IGSF11: variants seen among roughly 807,000 people sequenced by gnomAD.
IGSF11 encodes CXADR like 1.
A neutral mutation model predicts 41.0 loss-of-function variants in IGSF11; 22 were observed. The observed-to-expected ratio is 0.54, with a 90% CI of 0.38 to 0.77. The LOEUF is 0.77. IGSF11 is among the 30% of genes least tolerant of loss of function. The probability of loss-of-function intolerance (pLI) is 0.00; values close to 1 mark genes in which losing one functional copy is unlikely to be tolerated. For synonymous variants in IGSF11, 219 were observed against 201.3 expected, an observed-to-expected ratio of 1.09 and a Z score of -0.74; for missense variants, 444 against 530.8, an observed-to-expected ratio of 0.84 and a Z score of 1.61.
chr3:119,111,874 T>C (rs553689816), intron 1 of IGSF11, among the ~76,000 whole-genome samples: 8 of 152,344 alleles, frequency 5.3e-5, no homozygotes, highest in African/African-American at 1.9e-4. Context: ...CCTGTTTGCC[T>C]GGGTATCAGC....
intron 1 of IGSF11, among the ~76,000 whole-genome samples, chr3:118,961,564 A>G (rs11928039): frequency 0.026 from 3,931 of 152,324 alleles, 139 homozygotes; most frequent in African/African-American, 0.089. Context: ...AATTGCATAG[A>G]AAAATAAACT....
chr3:119,135,844 A>G (rs1224332145), intron 1 of IGSF11, among the ~76,000 whole-genome samples: 1 of 152,254 alleles, frequency 6.6e-6, no homozygotes, highest in Admixed American at 6.5e-5. Context: ...CTAGATTAAG[A>G]AAATGTGGCA....
At chr3:119,051,397 A>G (rs1389211348) in intron 1 of IGSF11, among the ~76,000 whole-genome samples, 1 of 152,106 alleles carries the variant, frequency 6.6e-6, no homozygotes, top group Non-Finnish European at 1.5e-5. Context: ...ATTATATAAT[A>G]ATAAAAAGAT....
At chr3:119,095,554 T>C (rs1266044370) in intron 1 of IGSF11, among the ~76,000 whole-genome samples, 1 of 152,172 alleles carries the variant, frequency 6.6e-6, no homozygotes, top group Non-Finnish European at 1.5e-5. Flanking sequence ...CCTATTACTG[T>C]TCATGGATCC....
intron 1 of IGSF11, among the ~76,000 whole-genome samples, chr3:119,059,215 A>ACACCT (rs1941971951): frequency 6.7e-6 from 1 of 148,668 alleles, no homozygotes; most frequent in Admixed American, 6.7e-5. Flanking sequence ...ACACCACACC[A>ACACCT]TGGAAACTAC....
chr3:118,917,731 G>A (rs1354553640), intron 4 of IGSF11, among the ~76,000 whole-genome samples: 1 of 148,526 alleles, frequency 6.7e-6, no homozygotes, highest in African/African-American at 2.5e-5. Context: ...AATAGAAAAA[G>A]AGGGAATCCT....
At chr3:119,090,248 T>A (rs549717686) in intron 1 of IGSF11, among the ~76,000 whole-genome samples, 2 of 152,212 alleles carry the variant, frequency 1.3e-5, no homozygotes, top group African/African-American at 4.8e-5. Flanking sequence ...TACAAATAAA[T>A]GGAAAAACAT....
chr3:119,043,563 A>C (rs924894951), intron 1 of IGSF11, among the ~76,000 whole-genome samples: 5 of 152,190 alleles, frequency 3.3e-5, no homozygotes, highest in Admixed American at 2.6e-4. Context: ...GAGTCCATCC[A>C]CATGACAATT....
At chr3:119,117,791 T>C (rs368854147) in intron 1 of IGSF11, among the ~76,000 whole-genome samples, 1 of 152,174 alleles carries the variant, frequency 6.6e-6, no homozygotes, top group African/African-American at 2.4e-5. Flanking sequence ...ACTTCCCAGA[T>C]ACAATGAGGG....
chr3:119,042,136 G>C (rs935864176), intron 1 of IGSF11, among the ~76,000 whole-genome samples: 1 of 152,174 alleles, frequency 6.6e-6, no homozygotes, highest in Non-Finnish European at 1.5e-5. Flanking sequence ...ACCACACTGA[G>C]GTTAAAGGAA....
At chr3:118,942,052 G>T (rs1943736108) in intron 1 of IGSF11, among the ~76,000 whole-genome samples, 1 of 152,170 alleles carries the variant, frequency 6.6e-6, no homozygotes. Context: ...GTACATCACG[G>T]TTATGGTAGT....
intron 1 of IGSF11, among the ~76,000 whole-genome samples, chr3:118,996,217 T>C (rs1249677799): frequency 6.6e-6 from 1 of 152,232 alleles, no homozygotes; most frequent in Non-Finnish European, 1.5e-5. Context: ...GTCAAACCTG[T>C]TAGTGTTAGC....
At chr3:118,996,533 T>C (rs1019649014) in intron 1 of IGSF11, among the ~76,000 whole-genome samples, 3 of 152,180 alleles carry the variant, frequency 2.0e-5, no homozygotes, top group Non-Finnish European at 4.4e-5. Flanking sequence ...ATGAGCTTTA[T>C]AAACCATAAA....
At chr3:119,075,594 C>T (rs2076480988) in intron 1 of IGSF11, among the ~76,000 whole-genome samples, 1 of 152,118 alleles carries the variant, frequency 6.6e-6, no homozygotes, top group Non-Finnish European at 1.5e-5. Context: ...ACTAGCAAAC[C>T]AAATCAAGCA....
At chr3:119,024,183 T>C (rs1473799191) in intron 1 of IGSF11, among the ~76,000 whole-genome samples, 1 of 152,170 alleles carries the variant, frequency 6.6e-6, no homozygotes, top group Non-Finnish European at 1.5e-5. Flanking sequence ...AGACCGAGAA[T>C]GAATACACAT....
chr3:119,069,595 T>C (rs1030173336), intron 1 of IGSF11, among the ~76,000 whole-genome samples: 1 of 152,154 alleles, frequency 6.6e-6, no homozygotes, highest in Non-Finnish European at 1.5e-5. Flanking sequence ...GGGTAGGTGA[T>C]AGAAAACTGC....
intron 1 of IGSF11, among the ~76,000 whole-genome samples, chr3:119,140,978 G>T (rs1398386428): frequency 1.3e-5 from 2 of 149,622 alleles, no homozygotes; most frequent in African/African-American, 2.5e-5. Flanking sequence ...AGGAGGCAGA[G>T]GTTGCAGTGA....
chr3:119,034,759 G>A lies in IGSF11; in HGVS notation c.-177C>T. The A allele has an allele frequency of 7.6e-7, 1 of 1,316,284 alleles. No individual in the cohort carries two copies. 81.5% of individuals were successfully genotyped at this position (1,316,284 alleles called of 1,614,324 possible). ...ACCCACAGACGAGCCAAGTGCAGCTGCAGCGCCGCCCGGCTCCGCGGACGC... is the reference window on the plus strand; with the variant it reads ...ACCCACAGACGAGCCAAGTGCAGCTACAGCGCCGCCCGGCTCCGCGGACGC... On this transcript the variant is annotated 5_prime_UTR_variant, in exon 1 of 7. Transcript: ENST00000393775.
In IGSF11 at chr3:118,961,569, T is replaced by C. The variant is rs531140535; in HGVS notation, c.53-31294A>G. On this transcript the variant is annotated intron_variant, in intron 1 of 6. Transcript: ENST00000393775. The stretch of plus-strand genomic sequence containing the variant: ...ATAAGTTAGAAATTGCATAGAAAAA[T>C]AAACTCTAAAAACATAGGAGAAAAG... 3.9e-5 allele frequency among the ~76,000 whole-genome samples: 6 copies of C among 152,116 alleles called. No individual in the cohort carries two copies. In the South Asian group the frequency reaches 6.2e-4, roughly 16 times the overall value.
Sources: allele counts gnomAD v4.1 joint callset (sites outside exome capture counted in the v4.1 genomes callset), GRCh38; gene constraint gnomAD v4.1.1; transcripts MANE v1.5; gene names NCBI Gene and HGNC (gene_info 2026-07-23, HGNC 2026-07-21).